Variants in ASTN2 observed in about 807,000 individuals in gnomAD.
ASTN2 encodes astrotactin 2.
Under a neutral mutation model 139.8 loss-of-function variants are expected in ASTN2, and 54 were observed. The ratio of observed to expected loss-of-function variants is 0.39; its 90% CI spans 0.31 to 0.48. The LOEUF is 0.48. Ranked by LOEUF, ASTN2 falls within the 20% of genes least tolerant of loss-of-function variation. The pLI is 0.95. For missense variants in ASTN2, 1,565 were observed against 1,725.1 expected (o/e 0.91, Z 1.64); for synonymous variants, 756 against 719.5 (o/e 1.05, Z -0.81).
intron 16 of ASTN2, among the ~76,000 whole-genome samples, chr9:116,662,903 A>G (rs563156011): frequency 1.3e-5 from 2 of 152,320 alleles, no homozygotes; most frequent in Non-Finnish European, 2.9e-5. Flanking sequence ...CCGAGAAGTG[A>G]CAGACTGCAG....
At chr9:117,253,396 C>T (rs1287790189) in intron 2 of ASTN2, among the ~76,000 whole-genome samples, 3 of 152,220 alleles carry the variant, frequency 2.0e-5, no homozygotes, top group Non-Finnish European at 4.4e-5. Context: ...AGGCTAGGGA[C>T]CAATCCCAGA....
chr9:117,159,477 C>T (rs1830500908), intron 3 of ASTN2, among the ~76,000 whole-genome samples: 1 of 151,970 alleles, frequency 6.6e-6, no homozygotes, highest in Non-Finnish European at 1.5e-5. Flanking sequence ...TGGCCAGAGC[C>T]CATGTGTGGG....
At chr9:116,523,057 T>G (rs59494978) in intron 19 of ASTN2, among the ~76,000 whole-genome samples, 25,509 of 152,026 alleles carry the variant, frequency 0.17, 2,403 homozygotes, top group African/African-American at 0.24. Context: ...AAAACTAAGA[T>G]AGAAAAATCT....
intron 3 of ASTN2, among the ~76,000 whole-genome samples, chr9:117,153,585 A>G (rs568715387): frequency 6.6e-6 from 1 of 152,244 alleles, no homozygotes; most frequent in African/African-American, 2.4e-5. Context: ...CAACCTTAGA[A>G]TAGCAGAACT....
intron 19 of ASTN2, among the ~76,000 whole-genome samples, chr9:116,539,886 A>G (rs1008330736): frequency 2.6e-5 from 4 of 152,246 alleles, no homozygotes; most frequent in African/African-American, 7.2e-5. Flanking sequence ...AGTGGAGACT[A>G]CTGTATTATA....
At chr9:117,361,598 A>G (rs957239638) in intron 1 of ASTN2, among the ~76,000 whole-genome samples, 6 of 152,330 alleles carry the variant, frequency 3.9e-5, no homozygotes, top group South Asian at 4.1e-4. Flanking sequence ...CTCTGCAGAA[A>G]GCTGGCAGGA....
chr9:116,781,241 G>A (rs1324603107), intron 13 of ASTN2, among the ~76,000 whole-genome samples: 1 of 152,178 alleles, frequency 6.6e-6, no homozygotes, highest in African/African-American at 2.4e-5. Context: ...AACAGCCCAT[G>A]GAACAGGCCT....
chr9:117,254,891 TA>T (rs914803995), intron 2 of ASTN2, among the ~76,000 whole-genome samples: 5 of 152,222 alleles, frequency 3.3e-5, no homozygotes, highest in African/African-American at 4.8e-5. Flanking sequence ...CTATTTTTCT[TA>T]AAAAGGCTTG....
chr9:117,130,676 T>C (rs1267598304), intron 4 of ASTN2, among the ~76,000 whole-genome samples: 1 of 152,254 alleles, frequency 6.6e-6, no homozygotes, highest in East Asian at 1.9e-4. Flanking sequence ...TTGTCAGCCA[T>C]ATTGCTGAAA....
intron 1 of ASTN2, among the ~76,000 whole-genome samples, chr9:117,362,359 C>T (rs11791808): frequency 0.027 from 3,904 of 146,590 alleles, 76 homozygotes; most frequent in Middle Eastern, 0.043. Flanking sequence ...CTGCAGTGCT[C>T]GTTGCCCCCG....
intron 19 of ASTN2, among the ~76,000 whole-genome samples, chr9:116,490,303 A>AAAAAAAAAAAAAAAAAG (rs1564314423): frequency 1.1e-4 from 11 of 104,520 alleles, no homozygotes; most frequent in East Asian, 3.2e-4. Context: ...AAAAAAAAAA[A>AAAAAAAAAAAAAAAAAG]GGGGGCATTG....
chr9:116,870,321 T>C (rs1023383095), intron 10 of ASTN2, among the ~76,000 whole-genome samples: 2 of 152,132 alleles, frequency 1.3e-5, no homozygotes, highest in Non-Finnish European at 2.9e-5. Context: ...ATGGGAACAA[T>C]ATCTGTCTAA....
At position 117,042,511 on chromosome 9, in the gene ASTN2, A is replaced by T. The variant is rs937593830; in HGVS notation, c.1277-2546T>A. On this transcript the variant is annotated intron_variant, in intron 5 of 22. Coordinates refer to ENST00000313400, the MANE Select transcript of ASTN2 (RefSeq NM_001365068.1). Reference sequence around the variant, plus strand: ...AATAGAAGAGTAAATTAAATTACATAAAAAGGTGATTCCAGTGTCCAAAGA... The same window carrying T: ...AATAGAAGAGTAAATTAAATTACATTAAAAGGTGATTCCAGTGTCCAAAGA... Among the ~76,000 whole-genome samples the T allele has an allele frequency of 2.0e-5, 3 of 152,300 alleles. No individual in the cohort carries two copies. The South Asian group carries it at 6.2e-4, about 32-fold the overall frequency.
intron 7 of ASTN2, among the ~76,000 whole-genome samples, chr9:117,002,984 A>C (rs980091530): frequency 9.9e-5 from 15 of 152,118 alleles, no homozygotes; most frequent in South Asian, 6.2e-4. Flanking sequence ...AACGTGTAGG[A>C]AATAAAAAGA....
At chr9:116,446,274 G>GAT (rs1284496918) in intron 20 of ASTN2, among the ~76,000 whole-genome samples, 38 of 21,454 alleles carry the variant, frequency 1.8e-3, no homozygotes, top group Middle Eastern at 0.048. Flanking sequence ...GAGAGAGATA[G>GAT]AGAGAGAGAG....
intron 2 of ASTN2, among the ~76,000 whole-genome samples, chr9:117,285,930 C>T (rs1382861525): frequency 2.0e-5 from 3 of 152,116 alleles, no homozygotes; most frequent in African/African-American, 4.8e-5. Flanking sequence ...TCTTTTCATC[C>T]CCTTTCTCAA....
chr9:116,885,139 G>A (rs896238238), intron 10 of ASTN2, among the ~76,000 whole-genome samples: 17 of 152,006 alleles, frequency 1.1e-4, no homozygotes, highest in African/African-American at 4.1e-4. Context: ...TATGGTCATG[G>A]GTGAAGAGAG....
At chr9:117,157,837 T>C (rs1830464374) in intron 3 of ASTN2, among the ~76,000 whole-genome samples, 1 of 151,980 alleles carries the variant, frequency 6.6e-6, no homozygotes, top group South Asian at 2.1e-4. Flanking sequence ...TTAGTCTGTA[T>C]AACATATATA....
intron 1 of ASTN2, among the ~76,000 whole-genome samples, chr9:117,295,648 T>C (rs1834712102): frequency 6.6e-6 from 1 of 152,028 alleles, no homozygotes; most frequent in Non-Finnish European, 1.5e-5. Flanking sequence ...TTTACATATA[T>C]TTCAGTGACT....
Sources: gnomAD v4.1 joint callset for allele counts (sites outside exome capture counted in the v4.1 genomes callset) on GRCh38, gnomAD v4.1.1 for gene constraint, MANE v1.5 for transcripts, NCBI Gene and HGNC (gene_info 2026-07-23, HGNC 2026-07-21) for gene names.